Variants in PPP6R1 observed in about 807,000 individuals in gnomAD.
The protein encoded by PPP6R1 is serine/threonine-protein phosphatase 6 regulatory subunit 1.
PPP6R1 carries 39 observed loss-of-function variants against 104.6 expected under a neutral mutation model. That is an observed-to-expected ratio of 0.37 (90% CI 0.29 to 0.49). The LOEUF is 0.49. PPP6R1 is among the 20% of genes least tolerant of loss of function. PPP6R1 has a pLI of 0.98. For missense variants in PPP6R1, 1,181 were observed against 1,155.8 expected, an observed-to-expected ratio of 1.02 and a Z score of -0.32; for synonymous variants, 549 against 479.0, an observed-to-expected ratio of 1.15 and a Z score of -1.91.
chr19:55,239,920 G>A lies in PPP6R1; in HGVS notation c.1478-9C>T. 3 of 1,613,790 alleles carry A rather than the reference G, an allele frequency of 1.9e-6. No individual in the cohort carries two copies. The highest frequency in any genetic ancestry group is 2.5e-6 in the Non-Finnish European group (3 of 1,179,864). On this transcript the variant is annotated splice_polypyrimidine_tract_variant and intron_variant, in intron 12 of 23. Transcript: ENST00000412770. The stretch of plus-strand genomic sequence containing the variant: ...CTGCTCGCTGGGCAGCTCTGCTTAG[G>A]TGAGAGGGGTGAAGACGTGAGGCAT...
intron 1 of PPP6R1, among the ~76,000 whole-genome samples, chr19:55,255,951 C>G (rs1164619488): frequency 4.6e-5 from 7 of 152,366 alleles, no homozygotes; most frequent in Admixed American, 3.3e-4. Flanking sequence ...CATCTGCCTC[C>G]CCCTGAAACA....
At chr19:55,252,904 C>G (rs1290113109) in intron 1 of PPP6R1, among the ~76,000 whole-genome samples, 2 of 152,116 alleles carry the variant, frequency 1.3e-5, no homozygotes, top group Admixed American at 6.5e-5. Flanking sequence ...AAAAAAAAAC[C>G]TGCCTCAGGC....
Position 55,242,358 on chromosome 19 carries a change from C to T in PPP6R1, c.731+18G>A. On this transcript the variant is annotated intron_variant, in intron 6 of 23. Coordinates refer to ENST00000412770, the MANE Select transcript of PPP6R1 (RefSeq NM_014931.4). Reference sequence around the variant, plus strand: ...CCAAGTCAGCTCCCCCCAGCCTTAGCCTTGCCCGCACACCCACTTCTCCAG... The same window carrying T: ...CCAAGTCAGCTCCCCCCAGCCTTAGTCTTGCCCGCACACCCACTTCTCCAG... 6.2e-7 allele frequency: 1 copy of T among 1,612,498 alleles called. No homozygotes were observed. Among genetic ancestry groups the T allele is most frequent in the Non-Finnish European group, 8.5e-7 (1 of 1,178,552 alleles).
intron 5 of PPP6R1, among the ~76,000 whole-genome samples, chr19:55,243,404 CAAAA>C (rs58375899): frequency 1.4e-4 from 7 of 49,128 alleles, no homozygotes; most frequent in African/African-American, 1.4e-4. Flanking sequence ...GACTCCATCT[CAAAA>C]AAAAAAAAAA....
At chr19:55,242,877 A>T (rs1048846341) in intron 5 of PPP6R1, among the ~76,000 whole-genome samples, 1 of 152,242 alleles carries the variant, frequency 6.6e-6, no homozygotes, top group African/African-American at 2.4e-5. Flanking sequence ...TGAATGAGCC[A>T]CAAAAACATC....
Position 55,245,728 on chromosome 19 carries a change from A to C in PPP6R1, c.228-50T>G. On this transcript the variant is annotated intron_variant, in intron 2 of 23. Coordinates refer to ENST00000412770, the MANE Select transcript of PPP6R1 (RefSeq NM_014931.4). The surrounding 1 kb of genome is among the most constrained non-coding windows in gnomAD (Gnocchi z 6.4). ...GGGGCTCGGGTCGGAGGCCGGGGGC[A>C]GGGGGCGGCAAGGCTCCACCCTCTT... 55 of 677,368 alleles carry C rather than the reference A, an allele frequency of 8.1e-5. No individual in the cohort carries two copies. The highest frequency in any genetic ancestry group is 1.3e-4 in the Non-Finnish European group (51 of 407,664). 42.0% of individuals were successfully genotyped at this position (677,368 alleles called of 1,614,324 possible). A position where few individuals can be genotyped will look rare whatever the true frequency, so the allele number is the denominator to read the frequency against.
intron 17 of PPP6R1, among the ~76,000 whole-genome samples, chr19:55,234,645 C>CGCACTCACAGCGGCT (rs60763494): frequency 8.7e-5 from 12 of 137,320 alleles, no homozygotes; most frequent in South Asian, 6.3e-4. Flanking sequence ...TCACAGCGGC[C>CGCACTCACAGCGGCT]GCACTCACAG....
chr19:55,241,684 G>A lies in PPP6R1; in HGVS notation c.846-45C>T. ...AAGGCGGAGTGAGCCTAGATGGCCT[G>A]TGCGCCCACACAGGAGTAGGCACAA... On this transcript the variant is annotated intron_variant, in intron 7 of 23. Coordinates refer to ENST00000412770, the MANE Select transcript of PPP6R1 (RefSeq NM_014931.4). This position sits in a 1 kb window ranked among gnomAD's most constrained non-coding sequence, Gnocchi z 5.4. 6.6e-7 allele frequency: 1 copy of A among 1,505,074 alleles called. No individual in the cohort carries two copies. The highest frequency in any genetic ancestry group is 8.9e-7 in the Non-Finnish European group (1 of 1,125,002). The allele number at this position is 1,505,074 out of a possible 1,614,324, so 93.2% of individuals were successfully genotyped here.
chr19:55,240,181 C>A, intron 11 of PPP6R1, 55 bp downstream of exon 11: 2 of 1,562,630 alleles, frequency 1.3e-6, no homozygotes, highest in Admixed American at 3.8e-5. Flanking sequence ...CCCAGCCCGG[C>A]CCCCCATCCA....
In PPP6R1 at chr19:55,230,264, T is replaced by C; in HGVS notation, c.*264A>G. The stretch of plus-strand genomic sequence containing the variant: ...CCCTCTCTCTATATAATATATAATA[T>C]ATGTTTCTCTCTCTCCATTCTCTCT... On this transcript the variant is annotated 3_prime_UTR_variant, in exon 24 of 24. Transcript: ENST00000412770. 9 of 562,358 alleles carry C rather than the reference T, an allele frequency of 1.6e-5. No individual in the cohort carries two copies. The South Asian group carries it at 2.0e-4, about 12-fold the overall frequency. The allele number at this position is 562,358 out of a possible 1,614,324, so 34.8% of individuals were successfully genotyped here.
At chr19:55,228,245 C>T (rs761093798), downstream of PPP6R1, 70 of 1,612,432 alleles carry the variant, frequency 4.3e-5, no homozygotes, top group Non-Finnish European at 5.3e-5. Context: ...GCCGAGCACA[C>T]AAGGGCTCCC....
At chr19:55,237,864 G>A (rs924477190) in intron 15 of PPP6R1, among the ~76,000 whole-genome samples, 5 of 152,204 alleles carry the variant, frequency 3.3e-5, no homozygotes, top group Admixed American at 3.3e-4. Flanking sequence ...CTTCAGCCTT[G>A]AGATGATCAA....
intron 1 of PPP6R1, among the ~76,000 whole-genome samples, chr19:55,254,588 G>A (rs1600119162): frequency 6.6e-6 from 1 of 152,178 alleles, no homozygotes; most frequent in African/African-American, 2.4e-5. Context: ...TTCCCAACCT[G>A]CGCTGACCCA....
intron 17 of PPP6R1, among the ~76,000 whole-genome samples, chr19:55,236,139 G>T (rs754555556): frequency 6.7e-6 from 1 of 149,384 alleles, no homozygotes; most frequent in Non-Finnish European, 1.5e-5. Context: ...CGGCTAATTT[G>T]TTGATTTCTT....
chr19:55,230,582 C>G (rs753350083), intron 23 of PPP6R1, 31 bp downstream of exon 23: 3 of 1,613,088 alleles, frequency 1.9e-6, no homozygotes, highest in African/African-American at 2.7e-5. Context: ...CCAGCCCCAC[C>G]TACCCAGCCC....
chr19:55,237,459 G>C (rs2087410007), intron 15 of PPP6R1, among the ~76,000 whole-genome samples: 1 of 152,146 alleles, frequency 6.6e-6, no homozygotes. Context: ...ATGGGAAAAA[G>C]AATCACGTCA....
chr19:55,245,434 G>A lies in PPP6R1; in HGVS notation c.415-32C>T. ...GCACACGGGCTGCGTCATGCACAGG[G>A]CCTGGCCCAGCCACCACCCCTCAAC... is the stretch of plus-strand genomic sequence containing the variant. On this transcript the variant is annotated intron_variant, in intron 3 of 23. Coordinates refer to ENST00000412770, the MANE Select transcript of PPP6R1 (RefSeq NM_014931.4). This position sits in a 1 kb window ranked among gnomAD's most constrained non-coding sequence, Gnocchi z 6.4. 1 of 1,612,340 alleles carries A rather than the reference G, an allele frequency of 6.2e-7. No individual in the cohort carries two copies. The highest frequency in any genetic ancestry group is 8.5e-7 in the Non-Finnish European group (1 of 1,179,236).
At chr19:55,233,550 AG>A (rs1188593139) in intron 17 of PPP6R1, among the ~76,000 whole-genome samples, 1 of 152,224 alleles carries the variant, frequency 6.6e-6, no homozygotes, top group Non-Finnish European at 1.5e-5. Flanking sequence ...GAAAATCCTA[AG>A]GAGTCCACTA....
intron 17 of PPP6R1, 178 bp downstream of exon 17, chr19:55,236,465 T>C: frequency 2.9e-6 from 2 of 687,426 alleles, no homozygotes; most frequent in South Asian, 4.8e-5. Flanking sequence ...CCACCATGCT[T>C]GGCCTTGAAT....
Sources: allele counts gnomAD v4.1 joint callset (sites outside exome capture counted in the v4.1 genomes callset), GRCh38; gene constraint gnomAD v4.1.1; non-coding constraint Gnocchi (gnomAD v3.1); transcripts MANE v1.5; gene names NCBI Gene and HGNC (gene_info 2026-07-23, HGNC 2026-07-21).